CACNB2: variants seen among roughly 807,000 people sequenced by gnomAD.
CACNB2 encodes voltage-dependent L-type calcium channel subunit beta-2.
CACNB2 carries 42 observed loss-of-function variants against 73.3 expected under a neutral mutation model. The ratio of observed to expected loss-of-function variants is 0.57; its 90% CI spans 0.45 to 0.74. The LOEUF is 0.74. CACNB2 is among the 30% of genes least tolerant of loss of function. The pLI is 0.00. For synonymous variants in CACNB2, 348 were observed against 310.3 expected (o/e 1.12, Z -1.28); for missense variants, 940 against 853.0 (o/e 1.10, Z -1.27).
chr10:18,315,529 CTT>C (rs34198861), intron 2 of CACNB2, among the ~76,000 whole-genome samples: 1 of 65,580 alleles, frequency 1.5e-5, no homozygotes, highest in Non-Finnish European at 2.7e-5. Context: ...AAAAAAAAAA[CTT>C]TTTTTTTTTT....
chr10:18,432,433 G>A (rs2045931037), intron 3 of CACNB2, among the ~76,000 whole-genome samples: 6 of 125,156 alleles, frequency 4.8e-5, no homozygotes, highest in Admixed American at 4.1e-4. Context: ...TCTGTGGAGG[G>A]ATGGATGTGT....
At chr10:18,327,187 C>T (rs2040619010) in intron 2 of CACNB2, among the ~76,000 whole-genome samples, 1 of 152,010 alleles carries the variant, frequency 6.6e-6, no homozygotes, top group African/African-American at 2.4e-5. Context: ...GATGTTATTC[C>T]AGAGCACCTG....
chr10:18,446,945 G>A (rs1191565001), intron 3 of CACNB2, among the ~76,000 whole-genome samples: 1 of 152,064 alleles, frequency 6.6e-6, no homozygotes, highest in Non-Finnish European at 1.5e-5. Flanking sequence ...TGTGGTCCTA[G>A]CTACTTGGGA....
At chr10:18,356,767 C>T (rs1456237494) in intron 2 of CACNB2, among the ~76,000 whole-genome samples, 2 of 151,722 alleles carry the variant, frequency 1.3e-5, no homozygotes, top group Non-Finnish European at 2.9e-5. Flanking sequence ...GTAGCTGGAA[C>T]CACAGGCACA....
intron 3 of CACNB2, among the ~76,000 whole-genome samples, chr10:18,487,072 G>A (rs559213758): frequency 1.7e-4 from 26 of 152,264 alleles, no homozygotes; most frequent in East Asian, 7.7e-4. Flanking sequence ...TACATAGGGC[G>A]CGAGAGATTG....
intron 2 of CACNB2, among the ~76,000 whole-genome samples, chr10:18,224,507 T>A (rs879308436): frequency 1.3e-5 from 2 of 152,174 alleles, no homozygotes; most frequent in Non-Finnish European, 2.9e-5. Context: ...TTCCAAAGAA[T>A]TTCTTTCTCT....
At chr10:18,348,228 A>AT (rs777434127) in intron 2 of CACNB2, among the ~76,000 whole-genome samples, 3 of 152,256 alleles carry the variant, frequency 2.0e-5, no homozygotes, top group Non-Finnish European at 4.4e-5. Flanking sequence ...CATTGTAGAC[A>AT]TAAATATTTA....
intron 2 of CACNB2, among the ~76,000 whole-genome samples, chr10:18,316,744 G>A (rs1473479606): frequency 6.6e-6 from 1 of 152,154 alleles, no homozygotes; most frequent in African/African-American, 2.4e-5. Flanking sequence ...TTACAGGCAT[G>A]AGCCACCAGA....
At chr10:18,462,214 G>C (rs892546911) in intron 3 of CACNB2, among the ~76,000 whole-genome samples, 5 of 152,188 alleles carry the variant, frequency 3.3e-5, no homozygotes, top group Admixed American at 1.3e-4. Context: ...AACAGAAATA[G>C]CTTTTACACT....
chr10:18,293,585 A>G (rs16917151), intron 2 of CACNB2, among the ~76,000 whole-genome samples: 22,175 of 152,242 alleles, frequency 0.15, 1,808 homozygotes, highest in South Asian at 0.19. Context: ...TTCATACTCA[A>G]TTATGCTAAT....
chr10:18,515,184 C>G, intron 7 of CACNB2: 1 of 714,252 alleles, frequency 1.4e-6, no homozygotes, highest in Admixed American at 2.0e-5. Context: ...CAAGATGCTA[C>G]ACAGCGAGGC....
intron 3 of CACNB2, among the ~76,000 whole-genome samples, chr10:18,466,920 C>G (rs933978046): frequency 6.6e-6 from 1 of 152,078 alleles, no homozygotes; most frequent in Admixed American, 6.6e-5. Context: ...TTTGGGAGGC[C>G]GAGACGGGCG....
At chr10:18,472,207 G>A (rs1056223815) in intron 3 of CACNB2, among the ~76,000 whole-genome samples, 26 of 143,774 alleles carry the variant, frequency 1.8e-4, no homozygotes, top group African/African-American at 5.7e-4. Flanking sequence ...TTTAATATCC[G>A]GCCCACTTTT....
chr10:18,237,201 C>G (rs1298906741), intron 2 of CACNB2, among the ~76,000 whole-genome samples: 1 of 152,004 alleles, frequency 6.6e-6, no homozygotes, highest in Admixed American at 6.6e-5. Flanking sequence ...AATTGTGTTC[C>G]CCCAGAAAGT....
At chr10:18,430,264 C>G (rs994661258) in intron 3 of CACNB2, among the ~76,000 whole-genome samples, 3 of 152,116 alleles carry the variant, frequency 2.0e-5, no homozygotes, top group African/African-American at 7.2e-5. Context: ...ACACACAAAC[C>G]TGTCTTCGAA....
At chr10:18,436,528 G>A (rs1181357012) in intron 3 of CACNB2, among the ~76,000 whole-genome samples, 2 of 152,156 alleles carry the variant, frequency 1.3e-5, no homozygotes, top group African/African-American at 2.4e-5. Flanking sequence ...GTAAAAATTG[G>A]CCCTTGAGAA....
intron 7 of CACNB2, among the ~76,000 whole-genome samples, chr10:18,515,712 G>A (rs2051208435): frequency 6.6e-6 from 1 of 152,160 alleles, no homozygotes; most frequent in Non-Finnish European, 1.5e-5. Flanking sequence ...TCTGGGGTCC[G>A]ATCTTCTTGT....
chr10:18,309,685 C>T (rs1262565394), intron 2 of CACNB2, among the ~76,000 whole-genome samples: 1 of 152,018 alleles, frequency 6.6e-6, no homozygotes, highest in African/African-American at 2.4e-5. Flanking sequence ...CTCAAATCTC[C>T]TGACCTTATG....
At chr10:18,489,651 A>T (rs1259304962) in intron 3 of CACNB2, among the ~76,000 whole-genome samples, 1 of 152,138 alleles carries the variant, frequency 6.6e-6, no homozygotes, top group Non-Finnish European at 1.5e-5. Context: ...GAAATGTAGC[A>T]ATCTATGTAT....
Sources: allele counts gnomAD v4.1 joint callset (sites outside exome capture counted in the v4.1 genomes callset), GRCh38; gene constraint gnomAD v4.1.1; transcripts MANE v1.5; gene names NCBI Gene and HGNC (gene_info 2026-07-23, HGNC 2026-07-21).